Variants in CSMD2 observed in about 807,000 individuals in gnomAD.
CSMD2 encodes CUB and sushi domain-containing protein 2.
In CSMD2, 130 loss-of-function variants were observed where a neutral mutation model predicts 398.5. That is an observed-to-expected ratio of 0.33 (90% CI 0.28 to 0.38). The LOEUF is 0.38. Ranked by LOEUF, CSMD2 falls within the 10% of genes least tolerant of loss-of-function variation. The pLI, the probability that CSMD2 is intolerant of heterozygous loss-of-function variation, is 1.00. For synonymous variants in CSMD2, 1,828 were observed against 1,908.5 expected, an observed-to-expected ratio of 0.96 and a Z score of 1.10; for missense variants, 3,829 against 4,764.9, an observed-to-expected ratio of 0.80 and a Z score of 5.78.
intron 3 of CSMD2, among the ~76,000 whole-genome samples, chr1:33,950,383 CAGAGAGAGAG>C (rs3045848): frequency 0.011 from 1,515 of 133,848 alleles, 18 homozygotes; most frequent in African/African-American, 0.03. Flanking sequence ...TCTCCTCCAG[CAGAGAGAGAG>C]AGAGAGAGAG....
intron 4 of CSMD2, among the ~76,000 whole-genome samples, chr1:33,927,819 G>A (rs1018328707): frequency 6.6e-6 from 1 of 152,158 alleles, no homozygotes; most frequent in Non-Finnish European, 1.5e-5. Context: ...AAAAGTGCTG[G>A]TCCAGCTACC....
intron 49 of CSMD2, 81 bp from the exon 50 acceptor site, chr1:33,572,772 C>A: frequency 8.4e-7 from 1 of 1,187,602 alleles, no homozygotes; most frequent in Non-Finnish European, 1.1e-6. Context: ...CCTCCCCTCC[C>A]AAGGTCCTTT....
At chr1:33,912,286 A>T (rs1054815281) in intron 5 of CSMD2, among the ~76,000 whole-genome samples, 9 of 152,128 alleles carry the variant, frequency 5.9e-5, no homozygotes, top group African/African-American at 2.2e-4. Context: ...AGAGACTGGG[A>T]ACCACTGGCC....
At chr1:33,535,528 G>C (rs868537199) in intron 62 of CSMD2, among the ~76,000 whole-genome samples, 1 of 152,236 alleles carries the variant, frequency 6.6e-6, no homozygotes, top group Admixed American at 6.5e-5. Flanking sequence ...AATCCATCAC[G>C]TGACTATACC....
intron 1 of CSMD2, among the ~76,000 whole-genome samples, chr1:34,095,412 A>C (rs1366866085): frequency 6.6e-6 from 1 of 151,264 alleles, no homozygotes; most frequent in Non-Finnish European, 1.5e-5. Flanking sequence ...CTGAAATCAG[A>C]GCAGAACTGA....
intron 4 of CSMD2, among the ~76,000 whole-genome samples, chr1:33,928,893 GC>G (rs1258616806): frequency 6.6e-6 from 1 of 152,178 alleles, no homozygotes; most frequent in Non-Finnish European, 1.5e-5. Flanking sequence ...GACCCTCTTT[GC>G]TATCTACAGT....
At chr1:33,793,812 G>A (rs775291174) in intron 10 of CSMD2, among the ~76,000 whole-genome samples, 1 of 152,102 alleles carries the variant, frequency 6.6e-6, no homozygotes, top group East Asian at 1.9e-4. Context: ...GGATGCATGT[G>A]GTGCTGAGGG....
intron 28 of CSMD2, among the ~76,000 whole-genome samples, chr1:33,651,502 AGAG>A (rs1270527329): frequency 1.3e-5 from 2 of 152,224 alleles, no homozygotes; most frequent in African/African-American, 4.8e-5. Flanking sequence ...TCCACTTATA[AGAG>A]GAGAGTGGAG....
intron 3 of CSMD2, among the ~76,000 whole-genome samples, chr1:33,950,383 C>CAG (rs3045848): frequency 0.15 from 20,039 of 133,606 alleles, 1,659 homozygotes; most frequent in East Asian, 0.37. Context: ...TCTCCTCCAG[C>CAG]AGAGAGAGAG....
Position 33,537,579 on chromosome 1 carries a change from G to T in CSMD2, c.9662C>A (p.Ser3221Tyr). ...GCCTCGGTCCTCTCTCCTCCCACGGGACGGGACACCAGGATCCCCGCAGAA... is the reference window on the plus strand; with the variant it reads ...GCCTCGGTCCTCTCTCCTCCCACGGTACGGGACACCAGGATCCCCGCAGAA... ...PVFCGDPGVP[S>Y]RGRREDRGFS... is the part of the protein sequence containing the mutation. The change falls in exon 61 of 71, where the codon TCC (serine) becomes TAC (tyrosine). Residue 3221 changes from serine (S) to tyrosine (Y), a missense_variant. By Grantham distance (144) the Ser-to-Tyr change is moderately radical (BLOSUM62 -2). Transcript: ENST00000373381. The surrounding 1 kb of genome is among the most constrained non-coding windows in gnomAD (Gnocchi z 4.6). 1.9e-6 allele frequency: 3 copies of T among 1,614,056 alleles called. No homozygotes were observed. Among genetic ancestry groups the T allele is most frequent in the Non-Finnish European group, 2.5e-6 (3 of 1,179,956 alleles).
chr1:34,163,433 C>G lies in CSMD2; in HGVS notation c.187+1478G>C, dbSNP rs1641545971. 6.6e-6 allele frequency among the ~76,000 whole-genome samples: 1 copy of G among 152,182 alleles called. No homozygotes were observed. Among genetic ancestry groups the G allele is most frequent in the Non-Finnish European group, 1.5e-5 (1 of 68,038 alleles). On this transcript the variant is annotated intron_variant, in intron 1 of 70. Coordinates refer to ENST00000373381, the MANE Select transcript of CSMD2 (RefSeq NM_001281956.2). The surrounding 1 kb of genome is among the most constrained non-coding windows in gnomAD (Gnocchi z 5.4). ...AGGAATGAGAGAGCCAGAGCTGGCTCGGGGCGCCCTCCCTGACCAAGAACC... is the reference window on the plus strand; with the variant it reads ...AGGAATGAGAGAGCCAGAGCTGGCTGGGGGCGCCCTCCCTGACCAAGAACC...
intron 10 of CSMD2, among the ~76,000 whole-genome samples, chr1:33,801,536 T>C (rs1655606361): frequency 6.6e-6 from 1 of 152,190 alleles, no homozygotes; most frequent in Non-Finnish European, 1.5e-5. Context: ...CATGTTCAAA[T>C]ATCGCTGAGC....
chr1:33,541,325 T>G lies in CSMD2; in HGVS notation c.9278-16A>C. The G allele has an allele frequency of 6.2e-6, 10 of 1,610,128 alleles. No individual in the cohort carries two copies. The highest frequency in any genetic ancestry group is 8.5e-6 in the Non-Finnish European group (10 of 1,176,698). On this transcript the variant is annotated splice_polypyrimidine_tract_variant and intron_variant, in intron 58 of 70. Coordinates refer to ENST00000373381, the MANE Select transcript of CSMD2 (RefSeq NM_001281956.2). Reference sequence around the variant, plus strand: ...CAGTTTATGACTAGGATAAGAGAGATATAGCATTGTTCACTCCTGGCCAGG... The same window carrying G: ...CAGTTTATGACTAGGATAAGAGAGAGATAGCATTGTTCACTCCTGGCCAGG...
chr1:33,922,693 C>A (rs188386195), intron 4 of CSMD2, among the ~76,000 whole-genome samples: 390 of 152,246 alleles, frequency 2.6e-3, no homozygotes, highest in African/African-American at 9.0e-3. Flanking sequence ...TTCCTCATGG[C>A]AGAGGCTCAG....
At chr1:33,536,870 T>C (rs1042018634) in intron 62 of CSMD2, 152 bp downstream of exon 62, 29 of 684,458 alleles carry the variant, frequency 4.2e-5, no homozygotes, top group Non-Finnish European at 6.6e-5. Context: ...CATGGAGCAC[T>C]GTTCAAAGAG....
At chr1:34,058,479 C>T (rs1654106707) in intron 2 of CSMD2, among the ~76,000 whole-genome samples, 1 of 152,140 alleles carries the variant, frequency 6.6e-6, no homozygotes, top group Admixed American at 6.5e-5. Flanking sequence ...AGACCTACCC[C>T]AAGGAGAGGG....
At chr1:33,787,914 C>T (rs548738399) in intron 12 of CSMD2, among the ~76,000 whole-genome samples, 12 of 152,102 alleles carry the variant, frequency 7.9e-5, no homozygotes, top group Admixed American at 1.3e-4. Context: ...TTTATCTGTT[C>T]CTAGCCCTAT....
At chr1:33,643,791 A>T (rs992096631) in intron 29 of CSMD2, among the ~76,000 whole-genome samples, 11 of 152,096 alleles carry the variant, frequency 7.2e-5, no homozygotes, top group African/African-American at 2.7e-4. Context: ...CCAGAGGGTA[A>T]GGTAGGGGTC....
intron 6 of CSMD2, 48 bp downstream of exon 6, chr1:33,846,836 A>AT: frequency 3.9e-6 from 5 of 1,287,212 alleles, no homozygotes; most frequent in Non-Finnish European, 5.5e-6. Context: ...TCCAGGTGTC[A>AT]TCTCTGCTGC....
Sources: allele counts gnomAD v4.1 joint callset (sites outside exome capture counted in the v4.1 genomes callset), GRCh38; gene constraint gnomAD v4.1.1; non-coding constraint Gnocchi (gnomAD v3.1); transcripts MANE v1.5; gene names NCBI Gene and HGNC (gene_info 2026-07-23, HGNC 2026-07-21).